The following DHRSX variants were observed in gnomAD, a reference collection of about 807,000 sequenced individuals.
DHRSX encodes the protein dehydrogenase/reductase X-linked.
In DHRSX, 31 loss-of-function variants were observed where a neutral mutation model predicts 34.0. The ratio of observed to expected loss-of-function variants is 0.91; its 90% CI spans 0.69 to 1.23. DHRSX has a LOEUF of 1.23. DHRSX is among the 50% of genes most tolerant of loss of function. The pLI, the probability that DHRSX is intolerant of heterozygous loss-of-function variation, is 0.00. For missense variants in DHRSX, 414 were observed against 428.1 expected (o/e 0.97, Z 0.29); for synonymous variants, 201 against 183.8 (o/e 1.09, Z -0.76).
At chrX:2,229,956 G>A (rs189722567) in intron 6 of DHRSX, among the ~76,000 whole-genome samples, 87 of 152,166 alleles carry the variant, frequency 5.7e-4, no homozygotes, top group African/African-American at 1.9e-3. Context: ...TGCATGTGTC[G>A]ATAGGAATAT....
chrX:2,265,602 A>G (rs1479694079), intron 5 of DHRSX, among the ~76,000 whole-genome samples: 8 of 116,238 alleles, frequency 6.9e-5, no homozygotes, highest in African/African-American at 1.2e-4. Context: ...ACCAGTGTAC[A>G]GCAGACGCAG....
At chrX:2,258,839 T>C (rs2041316072) in intron 5 of DHRSX, among the ~76,000 whole-genome samples, 2 of 152,242 alleles carry the variant, frequency 1.3e-5, no homozygotes, top group Non-Finnish European at 2.9e-5. Context: ...CATTATCCCC[T>C]GCAGAGGAAT....
At chrX:2,292,217 C>T (rs1232949929) in intron 3 of DHRSX, among the ~76,000 whole-genome samples, 1 of 152,184 alleles carries the variant, frequency 6.6e-6, no homozygotes, top group Non-Finnish European at 1.5e-5. Flanking sequence ...GGGGCCAGAA[C>T]CTGGGCATGG....
intron 1 of DHRSX, chrX:2,490,706 C>G (rs1271273641): frequency 1.2e-6 from 2 of 1,613,112 alleles, no homozygotes; most frequent in Non-Finnish European, 1.7e-6. Context: ...GCTCTCCAGG[C>G]TTTTATTCTC....
At chrX:2,378,872 A>G (rs1159955486) in intron 3 of DHRSX, among the ~76,000 whole-genome samples, 1 of 152,104 alleles carries the variant, frequency 6.6e-6, no homozygotes, top group Admixed American at 6.6e-5. Context: ...GGGTAGCCCC[A>G]TGATGGTCAG....
At chrX:2,330,740 AGAG>A (rs1448122478) in intron 3 of DHRSX, among the ~76,000 whole-genome samples, 2 of 151,252 alleles carry the variant, frequency 1.3e-5, no homozygotes, top group Admixed American at 6.6e-5. Flanking sequence ...TAGGAGGGGA[AGAG>A]GAGGGAAGAG....
chrX:2,387,287 T>G (rs1299403821), intron 3 of DHRSX, among the ~76,000 whole-genome samples: 1 of 152,072 alleles, frequency 6.6e-6, no homozygotes, highest in Non-Finnish European at 1.5e-5. Context: ...GTTATAGATG[T>G]AGGGGGTAAG....
At chrX:2,499,130 CT>C (rs945387637) in intron 1 of DHRSX, among the ~76,000 whole-genome samples, 22 of 152,092 alleles carry the variant, frequency 1.4e-4, no homozygotes, top group African/African-American at 5.3e-4. Flanking sequence ...CCTGGGATTC[CT>C]TCAGTGGGTG....
At chrX:2,294,794 G>GGA (rs201823017) in intron 3 of DHRSX, among the ~76,000 whole-genome samples, 56 of 129,510 alleles carry the variant, frequency 4.3e-4, no homozygotes, top group Non-Finnish European at 3.6e-4. Flanking sequence ...AAAAAGAGAG[G>GGA]GAGAGAGAGA....
At chrX:2,268,339 A>C (rs1168058876) in intron 4 of DHRSX, among the ~76,000 whole-genome samples, 4 of 152,260 alleles carry the variant, frequency 2.6e-5, no homozygotes, top group Admixed American at 2.6e-4. Context: ...ATTTGTATGT[A>C]CATGGATAAT....
At chrX:2,388,809 G>A (rs1290795535) in intron 3 of DHRSX, among the ~76,000 whole-genome samples, 1 of 151,146 alleles carries the variant, frequency 6.6e-6, no homozygotes, top group Non-Finnish European at 1.5e-5. Flanking sequence ...CAGGACTGTG[G>A]GAGAATAAAT....
intron 1 of DHRSX, among the ~76,000 whole-genome samples, chrX:2,480,649 C>G (rs1482122702): frequency 3.9e-5 from 6 of 151,984 alleles, no homozygotes; most frequent in Admixed American, 3.3e-4. Context: ...AAGACCCCAT[C>G]TCTGCAAAAA....
chrX:2,266,522 G>A (rs62595519), intron 5 of DHRSX, among the ~76,000 whole-genome samples: 91,569 of 135,174 alleles, frequency 0.68, 30,669 homozygotes, highest in African/African-American at 0.76. Context: ...ACCAGTGCTC[G>A]GCAGATGCAG....
intron 5 of DHRSX, among the ~76,000 whole-genome samples, chrX:2,251,285 C>T (rs773231907): frequency 5.4e-4 from 83 of 152,326 alleles, no homozygotes; most frequent in African/African-American, 2.0e-3. Flanking sequence ...TATCTGCTAG[C>T]CGTGATAAAG....
chrX:2,484,630 T>C lies in DHRSX; in HGVS notation c.109+16187A>G, dbSNP rs1429387470. The stretch of plus-strand genomic sequence containing the variant: ...CGGTCCTGTGAGAGTTTGCATTCTC[T>C]GTTCACCAGGCAGGGGCATGGCGAG... On this transcript the variant is annotated intron_variant, in intron 1 of 6. Transcript: ENST00000334651. Among the ~76,000 whole-genome samples the C allele has an allele frequency of 4.6e-5, 7 of 152,300 alleles. No individual in the cohort carries two copies. In the South Asian group the frequency reaches 1.5e-3, roughly 32 times the overall value.
intron 1 of DHRSX, among the ~76,000 whole-genome samples, chrX:2,485,351 C>T (rs967287594): frequency 2.5e-4 from 38 of 151,732 alleles, no homozygotes; most frequent in Non-Finnish European, 3.8e-4. Context: ...AGAGAAATTT[C>T]GGCATTTTAA....
chrX:2,237,715 G>A (rs1224971248), intron 6 of DHRSX, among the ~76,000 whole-genome samples: 1 of 151,896 alleles, frequency 6.6e-6, no homozygotes, highest in East Asian at 1.9e-4. Flanking sequence ...ATGTTGGTTA[G>A]GCTGGTCTTG....
intron 3 of DHRSX, among the ~76,000 whole-genome samples, chrX:2,390,892 G>C (rs1215563546): frequency 6.6e-6 from 1 of 151,734 alleles, no homozygotes; most frequent in Admixed American, 6.6e-5. Context: ...GCCTGTGGAG[G>C]GACACAGTTT....
At chrX:2,344,143 G>C (rs2042673179) in intron 3 of DHRSX, among the ~76,000 whole-genome samples, 1 of 152,174 alleles carries the variant, frequency 6.6e-6, no homozygotes, top group Non-Finnish European at 1.5e-5. Context: ...GCGGGCTCCA[G>C]CAAGCCAGCC....
Sources: gnomAD v4.1 joint callset for allele counts (sites outside exome capture counted in the v4.1 genomes callset) on GRCh38, gnomAD v4.1.1 for gene constraint, MANE v1.5 for transcripts, NCBI Gene and HGNC (gene_info 2026-07-23, HGNC 2026-07-21) for gene names.